Variants in TOP2B observed in about 807,000 individuals in gnomAD.
The protein encoded by TOP2B is DNA topoisomerase 2-beta.
A neutral mutation model predicts 193.5 loss-of-function variants in TOP2B; 51 were observed. That is an observed-to-expected ratio of 0.26 (90% CI 0.21 to 0.33). TOP2B has a LOEUF of 0.33. Ranked by LOEUF, TOP2B falls within the 10% of genes least tolerant of loss-of-function variation. The pLI is 1.00. For synonymous variants in TOP2B, 634 were observed against 635.7 expected (o/e 1.00, Z 0.04); for missense variants, 1,378 against 1,909.3 (o/e 0.72, Z 5.19).
chr3:25,651,826 C>CT (rs1267518060), intron 1 of TOP2B, among the ~76,000 whole-genome samples: 1 of 150,480 alleles, frequency 6.6e-6, no homozygotes, highest in Non-Finnish European at 1.5e-5. Context: ...GATTGTGCCA[C>CT]TGTACTTCAG....
chr3:25,654,045 G>T (rs926157667), intron 1 of TOP2B, among the ~76,000 whole-genome samples: 3 of 152,130 alleles, frequency 2.0e-5, no homozygotes, highest in African/African-American at 7.2e-5. Flanking sequence ...AAGATCAGGA[G>T]GAACAAGGCA....
intron 16 of TOP2B, 157 bp downstream of exon 16, chr3:25,627,030 G>T: frequency 1.4e-6 from 1 of 690,812 alleles, no homozygotes; most frequent in East Asian, 2.7e-5. Flanking sequence ...TTCAATTAAA[G>T]AAGTTTATAC....
intron 34 of TOP2B, among the ~76,000 whole-genome samples, chr3:25,600,606 CAT>C (rs1702066479): frequency 6.6e-6 from 1 of 152,208 alleles, no homozygotes; most frequent in African/African-American, 2.4e-5. Flanking sequence ...GTCTTACAAA[CAT>C]ATTTTACAAA....
At position 25,664,873 on chromosome 3, in the gene TOP2B, C is replaced by T. The variant is rs953491666; in HGVS notation, c.-576G>A. The T allele has an allele frequency of 3.6e-5, 36 of 992,054 alleles. No individual in the cohort carries two copies. The African/African-American group carries it at 5.7e-4, about 16-fold the overall frequency. 61.5% of individuals were successfully genotyped at this position (992,054 alleles called of 1,614,324 possible). ...GAGCCGCCGCCGCCGCCGCCACGGT[C>T]ACCTCCCTCTTGTCCGGCATAACAC... On this transcript the variant is annotated 5_prime_UTR_variant, in exon 1 of 36. Coordinates refer to ENST00000264331, the MANE Select transcript of TOP2B (RefSeq NM_001330700.2).
intron 15 of TOP2B, among the ~76,000 whole-genome samples, chr3:25,627,681 A>T (rs1268975147): frequency 6.6e-6 from 1 of 152,222 alleles, no homozygotes; most frequent in East Asian, 1.9e-4. Flanking sequence ...AATAAATTAC[A>T]AGGAAAAAAT....
intron 1 of TOP2B, among the ~76,000 whole-genome samples, chr3:25,654,988 T>C (rs892213213): frequency 6.6e-6 from 1 of 152,142 alleles, no homozygotes; most frequent in African/African-American, 2.4e-5. Flanking sequence ...TTTGAGACAC[T>C]GGATTTGGCA....
At chr3:25,633,795 G>T in intron 8 of TOP2B, 46 bp downstream of exon 8, 1 of 1,468,298 alleles carries the variant, frequency 6.8e-7, no homozygotes, top group Non-Finnish European at 9.1e-7. Context: ...TTTTATTGAA[G>T]TACTGTTCTA....
chr3:25,614,590 G>A lies in TOP2B; in HGVS notation c.3591+615C>T, dbSNP rs796471924. 5.9e-5 allele frequency among the ~76,000 whole-genome samples: 9 copies of A among 151,532 alleles called. 1 individual carries two copies. Among genetic ancestry groups the A allele is most frequent in the African/African-American group, 1.9e-4 (8 of 41,330 alleles). On this transcript the variant is annotated intron_variant, in intron 27 of 35. Coordinates refer to ENST00000264331, the MANE Select transcript of TOP2B (RefSeq NM_001330700.2). The stretch of plus-strand genomic sequence containing the variant: ...CTTAGACCACTGAAGTAAAAGTAGA[G>A]CATGTAGACAATAAATCAACAAAGC...
At position 25,630,238 on chromosome 3, in the gene TOP2B, TTAGTA is replaced by T. The variant is rs1387562445; in HGVS notation, c.1563+69_1563+73del. 9 of 1,521,786 alleles carry T rather than the reference TTAGTA, an allele frequency of 5.9e-6. No individual in the cohort carries two copies. In the African/African-American group the frequency reaches 1.1e-4, roughly 19 times the overall value. 94.3% of individuals were successfully genotyped at this position (1,521,786 alleles called of 1,614,324 possible). On this transcript the variant is annotated intron_variant, in intron 12 of 35. Coordinates refer to ENST00000264331, the MANE Select transcript of TOP2B (RefSeq NM_001330700.2). ...AATTACATTTAAAAATTCGAGAAGT[TTAGTA>T]AAGTATTAGAAATGTCATATGTATG...
rs1224120357 is a variant in TOP2B at position 25,634,799 on chromosome 3, C to CAAAAAAAAAAAAAAAAAAAAAA, written c.853-786_853-785insTTTTTTTTTTTTTTTTTTTTTT. ...TTACCAAAAAAAAAAAAAAAAAAAC[C>CAAAAAAAAAAAAAAAAAAAAAA]AAAAAAAGGCTTATTCTGCAGGGCA... On this transcript the variant is annotated intron_variant, in intron 7 of 35. Transcript: ENST00000264331. Among the ~76,000 whole-genome samples the CAAAAAAAAAAAAAAAAAAAAAA allele has an allele frequency of 4.1e-5, 4 of 96,444 alleles. 1 individual carries two copies. The highest frequency in any genetic ancestry group is 4.4e-5 in the African/African-American group (1 of 22,576). 63.3% of individuals were successfully genotyped at this position (96,444 alleles called of 152,430 possible). A position where few individuals can be genotyped will look rare whatever the true frequency, so the allele number is the denominator to read the frequency against.
chr3:25,636,366 C>A (rs1703104839), intron 6 of TOP2B, among the ~76,000 whole-genome samples: 2 of 152,064 alleles, frequency 1.3e-5, no homozygotes, highest in African/African-American at 4.8e-5. Flanking sequence ...ATTCGACCAA[C>A]TGCAGCTTAA....
intron 5 of TOP2B, among the ~76,000 whole-genome samples, chr3:25,637,895 A>G (rs1471646511): frequency 6.6e-6 from 1 of 152,046 alleles, no homozygotes; most frequent in East Asian, 1.9e-4. Context: ...ATACATAGAC[A>G]TCATACCAGT....
intron 27 of TOP2B, 50 bp downstream of exon 27, chr3:25,615,155 G>A (rs758548434): frequency 1.1e-5 from 16 of 1,491,992 alleles, no homozygotes; most frequent in Non-Finnish European, 1.3e-5. Context: ...TTTCATTCTT[G>A]TTCATAAACA....
Position 25,634,009 on chromosome 3 carries a change from A to G in TOP2B, c.858T>C (p.Asn286=). 1 of 1,594,298 alleles carries G rather than the reference A, an allele frequency of 6.3e-7. No homozygotes were observed. The highest frequency in any genetic ancestry group is 8.5e-7 in the Non-Finnish European group (1 of 1,173,792). ...VMFNGKKLPV[N]GFRSYVDLYV... is the part of the protein sequence containing the mutation. ...AAAGATCTACATAACTGCGAAATCC[A>G]TTTACCTATTAATTTAAAAAACAAA... Residue 286 remains asparagine (N), a synonymous_variant, in exon 8 of 36, where the codon AAT becomes AAC. Transcript: ENST00000264331.
chr3:25,599,453 T>C lies in TOP2B; in HGVS notation c.4692A>G (p.Thr1564=), dbSNP rs757135877. The C allele has an allele frequency of 6.2e-7, 1 of 1,613,548 alleles. No homozygotes were observed. The highest frequency in any genetic ancestry group is 1.7e-5 in the Admixed American group (1 of 59,976). ...NEGDYNPGRK[T]SKTTSKKPKK... Reference sequence around the variant, plus strand: ...CGGTTACCTTGCTTGTTGTTTTGGATGTTTTCCTGCCAGGGTTATAATCGC... The same window carrying C: ...CGGTTACCTTGCTTGTTGTTTTGGACGTTTTCCTGCCAGGGTTATAATCGC... The change falls in exon 35 of 36, where the codon ACA becomes ACG. Residue 1564 remains threonine (T), a synonymous_variant. Transcript: ENST00000264331.
Position 25,664,266 on chromosome 3 carries a change from G to T in TOP2B, c.32C>A (p.Ala11Asp), listed in dbSNP as rs1355553493. The change falls in exon 1 of 36, where the codon GCC (alanine) becomes GAC (aspartate). Residue 11 changes from alanine (A) to aspartate (D), a missense_variant. By Grantham distance (126) the Ala-to-Asp change is moderately radical. This residue lies in a region of TOP2B where 83 missense variants were observed against 59.3 expected (regional missense o/e 1.40). Transcript: ENST00000264331. Reference protein sequence around the residue: MAKSGGCGAGAGVGGGNGALT... With the variant: MAKSGGCGAGDGVGGGNGALT... ...TGCCCCGTTGCCGCCGCCCACGCCG[G>T]CTCCCGCGCCGCAGCCACCCGACTT... is the stretch of plus-strand genomic sequence containing the variant. 6.5e-7 allele frequency: 1 copy of T among 1,536,164 alleles called. No homozygotes were observed. The highest frequency in any genetic ancestry group is 2.5e-5 in the East Asian group (1 of 40,582).
chr3:25,631,630 C>T (rs1220478806), intron 10 of TOP2B, among the ~76,000 whole-genome samples: 1 of 151,926 alleles, frequency 6.6e-6, no homozygotes, highest in East Asian at 1.9e-4. Flanking sequence ...AAGAGGTGAA[C>T]TGTGTTGTCA....
chr3:25,648,519 T>A (rs1703477707), intron 1 of TOP2B, among the ~76,000 whole-genome samples: 1 of 151,468 alleles, frequency 6.6e-6, no homozygotes, highest in South Asian at 2.1e-4. Flanking sequence ...TAACAGAAAA[T>A]AACAATACAA....
chr3:25,618,964 G>A, intron 23 of TOP2B, 115 bp from the exon 24 acceptor site: 1 of 696,188 alleles, frequency 1.4e-6, no homozygotes, highest in Non-Finnish European at 2.2e-6. Context: ...GCATGTGTGT[G>A]AACACAGACT....
Sources: allele counts gnomAD v4.1 joint callset (sites outside exome capture counted in the v4.1 genomes callset), GRCh38; gene constraint gnomAD v4.1.1; regional missense constraint gnomAD v4.1.1; transcripts MANE v1.5; gene names NCBI Gene and HGNC (gene_info 2026-07-23, HGNC 2026-07-21).